The following STAMBP variants were observed in gnomAD, a reference collection of about 807,000 sequenced individuals.
STAMBP encodes the protein STAM-binding protein.
STAMBP carries 31 observed loss-of-function variants against 50.7 expected under a neutral mutation model. The observed-to-expected ratio is 0.61, with a 90% CI of 0.46 to 0.83. The LOEUF (loss-of-function observed/expected upper bound fraction) is 0.83. Ranked by LOEUF, STAMBP falls within the 40% of genes least tolerant of loss-of-function variation. The pLI, the probability that STAMBP is intolerant of heterozygous loss-of-function variation, is 0.00. For missense variants in STAMBP, 472 were observed against 518.9 expected (o/e 0.91, Z 0.88); for synonymous variants, 211 against 192.4 (o/e 1.10, Z -0.80).
chr2:73,837,584 C>CAAAAAAAAAAAAAA (rs56397494), intron 2 of STAMBP, among the ~76,000 whole-genome samples: 1 of 40,884 alleles, frequency 2.4e-5, no homozygotes, highest in Non-Finnish European at 4.8e-5. Context: ...GACTCCATCT[C>CAAAAAAAAAAAAAA]AAAAAAAAAA....
At chr2:73,840,396 T>C (rs1163019533) in intron 2 of STAMBP, among the ~76,000 whole-genome samples, 1 of 151,910 alleles carries the variant, frequency 6.6e-6, no homozygotes, top group Non-Finnish European at 1.5e-5. Flanking sequence ...TTGTACTGTT[T>C]TATAATGATC....
intron 2 of STAMBP, among the ~76,000 whole-genome samples, chr2:73,831,619 A>AT (rs1273358127): frequency 6.6e-6 from 1 of 152,228 alleles, no homozygotes; most frequent in Non-Finnish European, 1.5e-5. Context: ...TTTCAGTACT[A>AT]TTAACAGCAA....
intron 4 of STAMBP, among the ~76,000 whole-genome samples, chr2:73,846,192 CT>C (rs921427216): frequency 7.4e-4 from 107 of 145,446 alleles, no homozygotes; most frequent in Non-Finnish European, 5.9e-4. Context: ...TTCTTTCTTT[CT>C]TTTTTTTTTT....
At chr2:73,834,244 T>A (rs1356881436) in intron 2 of STAMBP, among the ~76,000 whole-genome samples, 165 of 14,328 alleles carry the variant, frequency 0.012, 34 homozygotes, top group East Asian at 0.046. Context: ...AAAATATATA[T>A]ATATATATAT....
Position 73,857,819 on chromosome 2 carries a change from C to T in STAMBP, c.1006-1435C>T, listed in dbSNP as rs62150709. On this transcript the variant is annotated intron_variant, in intron 7 of 9. Transcript: ENST00000394070. ...CCACCCCACTTGTGGCATCTCCCCACGATTGCTCTTCAGACAAATCCTCAT... is the reference window on the plus strand; with the variant it reads ...CCACCCCACTTGTGGCATCTCCCCATGATTGCTCTTCAGACAAATCCTCAT... Among the ~76,000 whole-genome samples, 1,167 of 152,204 alleles carry T rather than the reference C, an allele frequency of 7.7e-3. 8 individuals carry two copies. The highest frequency in any genetic ancestry group is 0.011 in the Non-Finnish European group (776 of 68,026).
At chr2:73,841,775 A>G (rs1675418397) in intron 2 of STAMBP, among the ~76,000 whole-genome samples, 1 of 152,208 alleles carries the variant, frequency 6.6e-6, no homozygotes, top group Admixed American at 6.5e-5. Context: ...GAGCCCAGGC[A>G]CAGTGGCTCC....
At chr2:73,854,107 C>T (rs1002591495) in intron 7 of STAMBP, among the ~76,000 whole-genome samples, 1 of 152,076 alleles carries the variant, frequency 6.6e-6, no homozygotes, top group Non-Finnish European at 1.5e-5. Flanking sequence ...AAGGAAGGAT[C>T]GAATGAGAAG....
chr2:73,860,667 A>G (rs1678230450), intron 9 of STAMBP: 3 of 517,078 alleles, frequency 5.8e-6, no homozygotes, highest in South Asian at 8.4e-5. Flanking sequence ...TTTTTTCCCT[A>G]TGTTGTGGTC....
chr2:73,830,637 T>C (rs1673784682), intron 1 of STAMBP, among the ~76,000 whole-genome samples: 2 of 152,274 alleles, frequency 1.3e-5, no homozygotes, highest in Admixed American at 1.3e-4. Flanking sequence ...GTATGTTTTC[T>C]AGTCTGCCAG....
chr2:73,853,440 T>C lies in STAMBP; in HGVS notation c.1005+2927T>C, dbSNP rs117105339. ...GCACACAGAAACTAAATATATACTT[T>C]AGGCCGGGTGCGGTGGCTCAAGCCT... On this transcript the variant is annotated intron_variant, in intron 7 of 9. Transcript: ENST00000394070. 2.0e-4 allele frequency among the ~76,000 whole-genome samples: 30 copies of C among 152,296 alleles called. No individual in the cohort carries two copies. In the East Asian group the frequency reaches 5.2e-3, roughly 26 times the overall value.
chr2:73,849,618 A>G, intron 6 of STAMBP, 131 bp downstream of exon 6: 1 of 1,201,472 alleles, frequency 8.3e-7, no homozygotes, highest in South Asian at 1.6e-5. Flanking sequence ...GGACTGCATA[A>G]TTTCATGTCA....
At position 73,859,350 on chromosome 2, in the gene STAMBP, T is replaced by TC. The variant is rs1444507951; in HGVS notation, c.1107dup (p.Lys370GlnfsTer9). On this transcript the variant is annotated frameshift_variant, in exon 8 of 10. Coordinates refer to ENST00000394070, the MANE Select transcript of STAMBP (RefSeq NM_213622.4). LOFTEE classifies it high-confidence loss of function. ...GCCAGAGTCAGTAGCCATTGTTTGC[T>TC]CCCCCAAGTTCCAGGAGTGAGTATA... The TC allele has an allele frequency of 1.2e-6, 2 of 1,613,938 alleles. No homozygotes were observed. The highest frequency in any genetic ancestry group is 2.2e-5 in the East Asian group (1 of 44,870).
At position 73,863,908 on chromosome 2, in the gene STAMBP, C is replaced by T. The variant is rs1180964431; in HGVS notation, c.*1649C>T. The T allele has an allele frequency of 6.6e-6, 1 of 152,232 alleles. No individual in the cohort carries two copies. The highest frequency in any genetic ancestry group is 1.5e-5 in the Non-Finnish European group (1 of 68,040). The allele number at this position is 152,232 out of a possible 1,614,324, so 9.4% of individuals were successfully genotyped here. ...CACACTTTGATCAGGAGAAGCTTCT[C>T]ACATTCCAGCCATGTTCATGTTTTC... On this transcript the variant is annotated 3_prime_UTR_variant, in exon 10 of 10. Coordinates refer to ENST00000394070, the MANE Select transcript of STAMBP (RefSeq NM_213622.4).
chr2:73,866,412 A>G lies in STAMBP; in HGVS notation c.*4153A>G, dbSNP rs1167406854. ...AGCGTTTTCATATTGTCTTTTATGT[A>G]AGTCATGTTTCTGAACTATCGTATA... is the stretch of plus-strand genomic sequence containing the variant. On this transcript the variant is annotated 3_prime_UTR_variant, in exon 10 of 10. Coordinates refer to ENST00000394070, the MANE Select transcript of STAMBP (RefSeq NM_213622.4). 2 of 152,336 alleles carry G rather than the reference A, an allele frequency of 1.3e-5. No individual in the cohort carries two copies. The highest frequency in any genetic ancestry group is 3.9e-4 in the East Asian group (2 of 5,188). 9.4% of individuals were successfully genotyped at this position (152,336 alleles called of 1,614,324 possible).
rs750254653 is a variant in STAMBP, at chr2:73,830,886, G to T, written c.30G>T (p.Pro10=). The part of the protein sequence containing the change: MSDHGDVSL[P]PEDRVRALSQ... ...CTGACCATGGAGATGTGAGCCTCCC[G>T]CCCGAAGACCGGGTGAGGGCTCTCT... The change falls in exon 2 of 10, where the codon CCG becomes CCT. Residue 10 remains proline (P), a synonymous_variant. Coordinates refer to ENST00000394070, the MANE Select transcript of STAMBP (RefSeq NM_213622.4). 1.9e-6 allele frequency: 3 copies of T among 1,613,504 alleles called. No individual in the cohort carries two copies. In the South Asian group the frequency reaches 3.3e-5, roughly 18 times the overall value.
At chr2:73,860,950 G>A (rs995498274) in intron 9 of STAMBP, among the ~76,000 whole-genome samples, 1 of 152,168 alleles carries the variant, frequency 6.6e-6, no homozygotes, top group Non-Finnish European at 1.5e-5. Flanking sequence ...TATATTTCAC[G>A]TCACTCCTAG....
intron 9 of STAMBP, 60 bp from the exon 10 acceptor site, chr2:73,862,143 A>G: frequency 6.6e-7 from 1 of 1,520,300 alleles, no homozygotes; most frequent in Non-Finnish European, 8.9e-7. Context: ...TATGAAGAAA[A>G]AAAAAAAAAA....
rs902426384 is a variant in STAMBP, at chr2:73,864,541, G to A, written c.*2282G>A. ...TGAGACTGGATAGGCCGGAGAGAAA[G>A]AGGAGTAGCCAGAGCGGTCGGGAAA... On this transcript the variant is annotated 3_prime_UTR_variant, in exon 10 of 10. Coordinates refer to ENST00000394070, the MANE Select transcript of STAMBP (RefSeq NM_213622.4). 6.6e-6 allele frequency: 1 copy of A among 152,484 alleles called. No individual in the cohort carries two copies. The highest frequency in any genetic ancestry group is 2.4e-5 in the African/African-American group (1 of 41,442). The allele number at this position is 152,484 out of a possible 1,614,324, so 9.4% of individuals were successfully genotyped here.
intron 2 of STAMBP, among the ~76,000 whole-genome samples, chr2:73,837,546 C>T (rs1361525617): frequency 7.4e-6 from 1 of 135,500 alleles, no homozygotes; most frequent in Non-Finnish European, 1.5e-5. Flanking sequence ...GATCGCGCCA[C>T]TGCACTCCAG....
Sources: allele counts gnomAD v4.1 joint callset (sites outside exome capture counted in the v4.1 genomes callset), GRCh38; gene constraint gnomAD v4.1.1; transcripts MANE v1.5; gene names NCBI Gene and HGNC (gene_info 2026-07-23, HGNC 2026-07-21).